The following SMYD3 variants were observed in gnomAD, a reference collection of about 807,000 sequenced individuals.
SMYD3 encodes the protein histone-lysine N-methyltransferase SMYD3.
A neutral mutation model predicts 57.7 loss-of-function variants in SMYD3; 36 were observed. The observed-to-expected ratio is 0.62, with a 90% CI of 0.48 to 0.82. The LOEUF (loss-of-function observed/expected upper bound fraction) is 0.82. SMYD3 is among the 40% of genes least tolerant of loss of function. The pLI is 0.00. For missense variants in SMYD3, 515 were observed against 538.8 expected, an observed-to-expected ratio of 0.96 and a Z score of 0.44; for synonymous variants, 211 against 195.0, an observed-to-expected ratio of 1.08 and a Z score of -0.68.
intron 11 of SMYD3, among the ~76,000 whole-genome samples, chr1:245,760,467 G>A (rs1392902012): frequency 6.6e-6 from 1 of 152,110 alleles, no homozygotes; most frequent in Admixed American, 6.5e-5. Context: ...CTTTCCTAGG[G>A]ATGGATACAT....
intron 5 of SMYD3, among the ~76,000 whole-genome samples, chr1:246,047,966 T>C (rs2059999869): frequency 6.6e-6 from 1 of 152,156 alleles, no homozygotes. Context: ...GTAAAAAATG[T>C]AAAATTTGTT....
intron 1 of SMYD3, among the ~76,000 whole-genome samples, chr1:246,443,567 A>G (rs1188331514): frequency 6.6e-6 from 1 of 152,232 alleles, no homozygotes; most frequent in Non-Finnish European, 1.5e-5. Flanking sequence ...CCATACAAAT[A>G]GAGATGCTAG....
intron 7 of SMYD3, among the ~76,000 whole-genome samples, chr1:245,927,486 A>G (rs185941657): frequency 1.2e-4 from 19 of 152,350 alleles, no homozygotes; most frequent in Non-Finnish European, 2.6e-4. Context: ...GTTAACATGC[A>G]TCATTACCTT....
At chr1:246,250,688 G>GA (rs2063784297) in intron 5 of SMYD3, among the ~76,000 whole-genome samples, 1 of 151,890 alleles carries the variant, frequency 6.6e-6, no homozygotes, top group South Asian at 2.1e-4. Context: ...AACAAAACAA[G>GA]AAAAAAATTA....
intron 5 of SMYD3, chr1:245,947,277 A>G (rs969599785): frequency 2.3e-6 from 1 of 433,830 alleles, no homozygotes; most frequent in Admixed American, 2.5e-5. Flanking sequence ...AAGTAGCTAA[A>G]GGAAGAAACA....
At chr1:246,360,911 C>T (rs2065976950) in intron 1 of SMYD3, among the ~76,000 whole-genome samples, 1 of 152,082 alleles carries the variant, frequency 6.6e-6, no homozygotes, top group African/African-American at 2.4e-5. Context: ...TAACAAAGAA[C>T]CCAAAAGCAA....
At chr1:246,261,532 T>C (rs1181965972) in intron 5 of SMYD3, among the ~76,000 whole-genome samples, 3 of 152,128 alleles carry the variant, frequency 2.0e-5, no homozygotes, top group Admixed American at 6.5e-5. Flanking sequence ...ACAAGACCCA[T>C]AGAATTTAAA....
chr1:246,114,079 T>C (rs991192653), intron 5 of SMYD3, among the ~76,000 whole-genome samples: 5 of 152,180 alleles, frequency 3.3e-5, no homozygotes, highest in Admixed American at 6.5e-5. Context: ...TCAGCACTAA[T>C]AGAACCCCAT....
At chr1:246,104,209 GA>G (rs1249803246) in intron 5 of SMYD3, among the ~76,000 whole-genome samples, 2 of 152,214 alleles carry the variant, frequency 1.3e-5, no homozygotes, top group East Asian at 3.8e-4. Context: ...CTCCAAGATG[GA>G]GATAAATTTG....
At chr1:246,298,541 C>T (rs752144518) in intron 5 of SMYD3, among the ~76,000 whole-genome samples, 1 of 152,028 alleles carries the variant, frequency 6.6e-6, no homozygotes, top group Admixed American at 6.6e-5. Flanking sequence ...CATAAAATAT[C>T]AGAGACAAGA....
At chr1:245,938,495 G>A (rs1390180658) in intron 5 of SMYD3, among the ~76,000 whole-genome samples, 2 of 152,202 alleles carry the variant, frequency 1.3e-5, no homozygotes, top group Non-Finnish European at 2.9e-5. Flanking sequence ...GAGTCTCTGA[G>A]GTCAGACAGC....
At chr1:245,901,010 CA>C (rs1257281657) in intron 8 of SMYD3, among the ~76,000 whole-genome samples, 1 of 152,186 alleles carries the variant, frequency 6.6e-6, no homozygotes, top group African/African-American at 2.4e-5. Context: ...CCCTTATTTT[CA>C]AAAGTTCTTC....
At chr1:246,104,515 G>GTTC (rs1471365907) in intron 5 of SMYD3, among the ~76,000 whole-genome samples, 1 of 152,168 alleles carries the variant, frequency 6.6e-6, no homozygotes, top group Admixed American at 6.5e-5. Flanking sequence ...CTCGTCTCCT[G>GTTC]GGAGAAGGTA....
chr1:246,231,752 G>A (rs184900998), intron 5 of SMYD3, among the ~76,000 whole-genome samples: 19 of 152,076 alleles, frequency 1.2e-4, no homozygotes, highest in Admixed American at 1.2e-3. Context: ...TACTGCTTTG[G>A]GTACAAATCT....
In SMYD3 at chr1:246,350,867, C is replaced by G. The variant is rs541555488; in HGVS notation, c.228+4164G>C. Among the ~76,000 whole-genome samples, 3 of 152,164 alleles carry G rather than the reference C, an allele frequency of 2.0e-5. No individual in the cohort carries two copies. The South Asian group carries it at 6.2e-4, about 32-fold the overall frequency. ...CCTGTGGAGGTCAAAAACTGAAATACGACCAAATCGTTTTAAACTTCATGT... is the reference window on the plus strand; with the variant it reads ...CCTGTGGAGGTCAAAAACTGAAATAGGACCAAATCGTTTTAAACTTCATGT... On this transcript the variant is annotated intron_variant, in intron 2 of 11. Transcript: ENST00000490107.
At chr1:246,334,071 A>C (rs1337052969) in intron 3 of SMYD3, among the ~76,000 whole-genome samples, 3 of 151,208 alleles carry the variant, frequency 2.0e-5, no homozygotes, top group Non-Finnish European at 4.4e-5. Context: ...TAAAAAAAAA[A>C]CACATGCTGG....
At chr1:246,327,480 C>T (rs1284169798) in intron 4 of SMYD3, 143 bp from the exon 5 acceptor site, 1 of 762,994 alleles carries the variant, frequency 1.3e-6, no homozygotes, top group Non-Finnish European at 2.0e-6. Flanking sequence ...ATTGTTTTAT[C>T]TTTTGACAAC....
At chr1:245,938,712 C>A (rs555799798) in intron 5 of SMYD3, among the ~76,000 whole-genome samples, 23 of 152,240 alleles carry the variant, frequency 1.5e-4, no homozygotes, top group Non-Finnish European at 2.8e-4. Flanking sequence ...GCAAGGATAT[C>A]ATTTGATCTT....
chr1:246,466,897 G>A (rs1010881865), intron 1 of SMYD3, among the ~76,000 whole-genome samples: 1 of 152,050 alleles, frequency 6.6e-6, no homozygotes, highest in Non-Finnish European at 1.5e-5. Flanking sequence ...GCTGGGCGCA[G>A]TGGCTCACGC....
Sources: allele counts gnomAD v4.1 joint callset (sites outside exome capture counted in the v4.1 genomes callset), GRCh38; gene constraint gnomAD v4.1.1; transcripts MANE v1.5; gene names NCBI Gene and HGNC (gene_info 2026-07-23, HGNC 2026-07-21).